Variants in ZNF438 observed in about 807,000 individuals in gnomAD.
The protein encoded by ZNF438 is zinc finger protein 438.
ZNF438 carries 25 observed loss-of-function variants against 38.0 expected under a neutral mutation model. The observed-to-expected ratio is 0.66, with a 90% confidence interval of 0.48 to 0.92. The LOEUF is 0.92. ZNF438 is among the 40% of genes least tolerant of loss of function. ZNF438 has a pLI of 0.00. For synonymous variants in ZNF438, 372 were observed against 364.1 expected, an observed-to-expected ratio of 1.02 and a Z score of -0.25; for missense variants, 1,007 against 999.6, an observed-to-expected ratio of 1.01 and a Z score of -0.10.
intron 1 of ZNF438, among the ~76,000 whole-genome samples, chr10:31,014,403 T>G (rs2056005283): frequency 6.6e-6 from 1 of 152,236 alleles, no homozygotes. Context: ...TGTCCTCATA[T>G]GGCAGCGGAA....
chr10:30,950,764 C>T (rs1456549918), intron 1 of ZNF438, among the ~76,000 whole-genome samples: 1 of 124,752 alleles, frequency 8.0e-6, no homozygotes, highest in Non-Finnish European at 1.7e-5. Flanking sequence ...CAATAGCTTA[C>T]CAACCAAAAA....
intron 4 of ZNF438, among the ~76,000 whole-genome samples, chr10:30,857,466 G>A (rs4320866): frequency 0.38 from 58,048 of 151,656 alleles, 11,387 homozygotes; most frequent in Admixed American, 0.41. Flanking sequence ...TGTTGGCCAG[G>A]CTGGTCTTGA....
intron 1 of ZNF438, among the ~76,000 whole-genome samples, chr10:30,964,819 C>A (rs1363224660): frequency 6.6e-6 from 1 of 152,002 alleles, no homozygotes; most frequent in East Asian, 1.9e-4. Context: ...CAGTCATATG[C>A]ATATGGAACA....
chr10:30,940,921 C>CTATA (rs139692208), intron 2 of ZNF438, among the ~76,000 whole-genome samples: 11,937 of 151,292 alleles, frequency 0.079, 553 homozygotes, highest in Non-Finnish European at 0.11. Context: ...CCTTAAAAAA[C>CTATA]TATATATATA....
At chr10:30,963,433 A>T (rs1276587191) in intron 1 of ZNF438, among the ~76,000 whole-genome samples, 1 of 151,674 alleles carries the variant, frequency 6.6e-6, no homozygotes, top group Non-Finnish European at 1.5e-5. Flanking sequence ...AGAGGTTAAT[A>T]GAAACTCCTA....
intron 1 of ZNF438, among the ~76,000 whole-genome samples, chr10:30,947,847 G>C (rs112428700): frequency 6.6e-6 from 1 of 152,162 alleles, no homozygotes; most frequent in Non-Finnish European, 1.5e-5. Flanking sequence ...GACCCCTTGC[G>C]CTTCCCAAGT....
intron 4 of ZNF438, among the ~76,000 whole-genome samples, chr10:30,873,062 T>C (rs2037746937): frequency 6.6e-6 from 1 of 152,234 alleles, no homozygotes; most frequent in Non-Finnish European, 1.5e-5. Flanking sequence ...GTGGTGACTT[T>C]GTCTTTCTTT....
intron 1 of ZNF438, among the ~76,000 whole-genome samples, chr10:30,969,096 T>C (rs1040849375): frequency 6.6e-6 from 1 of 152,036 alleles, no homozygotes; most frequent in Non-Finnish European, 1.5e-5. Context: ...GAAATAAGAT[T>C]TTTTTTTCAT....
At position 30,959,688 on chromosome 10, in the gene ZNF438, T is replaced by C. The variant is rs1401412889; in HGVS notation, c.-191-18037A>G. 1.4e-5 allele frequency among the ~76,000 whole-genome samples: 2 copies of C among 145,742 alleles called. 1 individual carries two copies. Among genetic ancestry groups the C allele is most frequent in the Non-Finnish European group, 3.1e-5 (2 of 64,282 alleles). On this transcript the variant is annotated intron_variant, in intron 1 of 5. Coordinates refer to ENST00000413025, the Ensembl canonical transcript of ZNF438. The stretch of plus-strand genomic sequence containing the variant: ...GCGTGAACCCGGGAGGCGGAGCTTG[T>C]AATGAGCCGAGATCGCACCACTGCA...
intron 4 of ZNF438, among the ~76,000 whole-genome samples, chr10:30,851,556 TGGAAA>T (rs2033635460): frequency 6.6e-6 from 1 of 152,382 alleles, no homozygotes; most frequent in Admixed American, 6.5e-5. Context: ...TTTCAAATTT[TGGAAA>T]AGTAGTAAGA....
rs568565429 is a variant in ZNF438 at position 30,915,762 on chromosome 10, G to A, written c.-114-6747C>T. 2.6e-5 allele frequency among the ~76,000 whole-genome samples: 4 copies of A among 152,160 alleles called. No homozygotes were observed. In the South Asian group the frequency reaches 6.2e-4, roughly 24 times the overall value. On this transcript the variant is annotated intron_variant, in intron 2 of 5. Transcript: ENST00000413025. ...AGTTGCAAGAAAATATATTATGGGA[G>A]TCATTCTCCATGACCTGGTTTTAAG... is the stretch of plus-strand genomic sequence containing the variant.
At chr10:30,951,161 C>G (rs532517602) in intron 1 of ZNF438, among the ~76,000 whole-genome samples, 2 of 151,378 alleles carry the variant, frequency 1.3e-5, no homozygotes, top group South Asian at 4.2e-4. Flanking sequence ...ATGATTATCT[C>G]AATAGATGCA....
chr10:31,025,851 T>G (rs926144592), intron 1 of ZNF438, among the ~76,000 whole-genome samples: 3 of 152,192 alleles, frequency 2.0e-5, no homozygotes, highest in Admixed American at 1.3e-4. Flanking sequence ...ATTATTTAAA[T>G]ATATTCAAAC....
chr10:30,929,112 G>A (rs575903911), intron 2 of ZNF438, among the ~76,000 whole-genome samples: 3 of 152,306 alleles, frequency 2.0e-5, no homozygotes, highest in South Asian at 2.1e-4. Context: ...GCAGGTGGTG[G>A]CCAGGCACAG....
chr10:30,860,839 G>C (rs2035455986), intron 4 of ZNF438, among the ~76,000 whole-genome samples: 1 of 152,178 alleles, frequency 6.6e-6, no homozygotes, highest in South Asian at 2.1e-4. Flanking sequence ...ACCTAGCAGG[G>C]AAGAAAGCAA....
chr10:30,887,435 A>G (rs1214021915), intron 3 of ZNF438, among the ~76,000 whole-genome samples: 1 of 151,580 alleles, frequency 6.6e-6, no homozygotes, highest in African/African-American at 2.4e-5. Context: ...TGCAGTGGTG[A>G]GGTCTCGGCT....
intron 1 of ZNF438, among the ~76,000 whole-genome samples, chr10:30,959,148 A>C (rs2049185641): frequency 6.8e-6 from 1 of 147,434 alleles, no homozygotes; most frequent in Non-Finnish European, 1.5e-5. Context: ...TGGCTGGACC[A>C]CAGCACTCAG....
intron 2 of ZNF438, among the ~76,000 whole-genome samples, chr10:30,915,963 TTC>T (rs2043583335): frequency 1.3e-5 from 2 of 152,048 alleles, no homozygotes; most frequent in Non-Finnish European, 2.9e-5. Flanking sequence ...AAAAAATTAC[TTC>T]TGTCTTTTCT....
At chr10:30,894,483 A>G (rs2041087091) in intron 3 of ZNF438, among the ~76,000 whole-genome samples, 2 of 152,222 alleles carry the variant, frequency 1.3e-5, no homozygotes, top group Admixed American at 1.3e-4. Context: ...ATAGCCACAC[A>G]GACTCTGGCA....
Sources: allele counts gnomAD v4.1 joint callset (sites outside exome capture counted in the v4.1 genomes callset), GRCh38; gene constraint gnomAD v4.1.1; transcripts MANE v1.5; gene names NCBI Gene and HGNC (gene_info 2026-07-23, HGNC 2026-07-21).